Variants in STARD9 observed in about 807,000 individuals in gnomAD.
STARD9 encodes stAR-related lipid transfer protein 9.
STARD9 carries 346 observed loss-of-function variants against 399.8 expected under a neutral mutation model. The ratio of observed to expected loss-of-function variants is 0.87; its 90% CI spans 0.79 to 0.95. The LOEUF (loss-of-function observed/expected upper bound fraction) is 0.95. Ranked by LOEUF, STARD9 falls within the 40% of genes least tolerant of loss-of-function variation. The pLI, the probability that STARD9 is intolerant of heterozygous loss-of-function variation, is 0.00. For missense variants in STARD9, 5,832 were observed against 5,667.5 expected (o/e 1.03, Z -0.93); for synonymous variants, 2,203 against 2,143.5 (o/e 1.03, Z -0.77).
intron 3 of STARD9, among the ~76,000 whole-genome samples, 188 bp downstream of exon 3, chr15:42,585,825 A>G (rs1191286050): frequency 6.6e-6 from 1 of 152,248 alleles, no homozygotes; most frequent in Non-Finnish European, 1.5e-5. Flanking sequence ...ACTTCAATAC[A>G]TCAAGAAACC....
At chr15:42,607,470 T>G (rs1445972092) in intron 3 of STARD9, among the ~76,000 whole-genome samples, 1 of 151,944 alleles carries the variant, frequency 6.6e-6, no homozygotes, top group Non-Finnish European at 1.5e-5. Flanking sequence ...CCCAAAGTGC[T>G]GGGATGACAG....
intron 7 of STARD9, among the ~76,000 whole-genome samples, chr15:42,649,410 C>A (rs2059712640): frequency 6.6e-6 from 1 of 152,158 alleles, no homozygotes; most frequent in African/African-American, 2.4e-5. Context: ...CTCATTCTTT[C>A]TTCAGCTATG....
In STARD9 at chr15:42,642,919, C is replaced by T. The variant is rs2059569664; in HGVS notation, c.559+4107C>T. On this transcript the variant is annotated intron_variant, in intron 7 of 32. Transcript: ENST00000290607. ...ACTCAGGCAGTCCTCCTACCTCAGCCTCCCAAGTAGCTGATACTACAGACA... is the reference window on the plus strand; with the variant it reads ...ACTCAGGCAGTCCTCCTACCTCAGCTTCCCAAGTAGCTGATACTACAGACA... 1.3e-5 allele frequency among the ~76,000 whole-genome samples: 2 copies of T among 152,108 alleles called. 1 individual carries two copies. Among genetic ancestry groups the T allele is most frequent in the South Asian group, 4.1e-4 (2 of 4,828 alleles).
chr15:42,691,893 G>C lies in STARD9; in HGVS notation c.10315G>C (p.Glu3439Gln). 1 of 1,537,284 alleles carries C rather than the reference G, an allele frequency of 6.5e-7. No homozygotes were observed. Among genetic ancestry groups the C allele is most frequent in the South Asian group, 1.2e-5 (1 of 84,062 alleles). The change falls in exon 23 of 33, where the codon GAG becomes CAG. Residue 3439 changes from glutamate (E) to glutamine (Q), a missense_variant. Glu to Gln is a conservative substitution (Grantham distance 29). Transcript: ENST00000290607. ...GGAACAAGCCCAACAGGGAAAGCGAGAGAAACTGGGTGTCCAGGTTAGGCC... is the reference window on the plus strand; with the variant it reads ...GGAACAAGCCCAACAGGGAAAGCGACAGAAACTGGGTGTCCAGGTTAGGCC... ...TLEQAQQGKR[E>Q]KLGVQVRPEN...
chr15:42,650,092 C>G (rs879103172), intron 7 of STARD9, among the ~76,000 whole-genome samples: 2 of 151,782 alleles, frequency 1.3e-5, no homozygotes, highest in African/African-American at 2.4e-5. Context: ...TCTCAAACTC[C>G]TGACCTCAGG....
At chr15:42,616,890 CAAAA>C (rs565991513) in intron 3 of STARD9, among the ~76,000 whole-genome samples, 2 of 57,184 alleles carry the variant, frequency 3.5e-5, no homozygotes, top group African/African-American at 5.0e-5. Context: ...GACTTCCTCT[CAAAA>C]AAAAAAAAAA....
In STARD9 at chr15:42,687,549, T is replaced by G. The variant is rs1485333298; in HGVS notation, c.5971T>G (p.Ser1991Ala). 6.5e-7 allele frequency: 1 copy of G among 1,536,902 alleles called. No homozygotes were observed. The highest frequency in any genetic ancestry group is 1.4e-5 in the African/African-American group (1 of 73,114). The change falls in exon 23 of 33, where the codon TCA becomes GCA. Residue 1991 changes from serine to alanine, a missense_variant. Around this residue, in one of 2 missense-constraint regions of STARD9, gnomAD observed 5,828 missense variants for 5,651.1 expected, o/e 1.03. Transcript: ENST00000290607. Reference protein sequence around the residue: ...LEKGLRPKDSSEEFKLPGTKP... With the variant: ...LEKGLRPKDSAEEFKLPGTKP... ...AAAAGGTCTTCGTCCCAAAGATAGC[T>G]CAGAAGAGTTTAAGCTTCCAGGTAC...
In STARD9 at chr15:42,685,761, A is replaced by G; in HGVS notation, c.4183A>G (p.Ser1395Gly). Residue 1395 changes from serine (S) to glycine (G), a missense_variant, in exon 23 of 33, where the codon AGC becomes GGC. Physicochemically the swap from Ser to Gly is moderately conservative, Grantham distance 56. This residue lies in a region of STARD9 where 5,828 missense variants were observed against 5,651.1 expected (regional missense o/e 1.03). Transcript: ENST00000290607. ...PSDAETVLPYSSKLHQGSTEL... is the reference protein window; with the variant it reads ...PSDAETVLPYGSKLHQGSTEL... The stretch of plus-strand genomic sequence containing the variant: ...AGATGCAGAAACGGTTCTGCCATAT[A>G]GCTCCAAACTGCACCAAGGCAGTAC... 1 of 1,537,428 alleles carries G rather than the reference A, an allele frequency of 6.5e-7. No homozygotes were observed. Among genetic ancestry groups the G allele is most frequent in the Non-Finnish European group, 8.7e-7 (1 of 1,146,952 alleles).
rs1403402630 is a variant in STARD9, at chr15:42,690,598, T to C, written c.9020T>C (p.Met3007Thr). ...PCVVPSRAYE[M>T]DETGEISRGP... ...GTAGTACCTTCCAGGGCCTATGAAA[T>C]GGATGAGACAGGAGAGATCTCTAGG... The change falls in exon 23 of 33, where the codon ATG becomes ACG. Residue 3007 changes from methionine to threonine, a missense_variant. By Grantham distance (81) the Met-to-Thr change is moderately conservative (BLOSUM62 -1). This residue lies in a region of STARD9 where 5,828 missense variants were observed against 5,651.1 expected (regional missense o/e 1.03). Transcript: ENST00000290607. The C allele has an allele frequency of 1.3e-6, 2 of 1,537,208 alleles. No individual in the cohort carries two copies. Among genetic ancestry groups the C allele is most frequent in the Admixed American group, 2.0e-5 (1 of 51,000 alleles).
In STARD9 at chr15:42,694,115, A is replaced by G; in HGVS notation, c.12537A>G (p.Pro4179=). ...LSSEKQEQSP[P]QPPNDHSQDS... is the part of the protein sequence containing the mutation. ...CTGAAAAGCAGGAACAGAGTCCCCC[A>G]CAACCTCCTAATGACCACAGCCAGG... Residue 4179 remains proline, a synonymous_variant, in exon 23 of 33, where the codon CCA becomes CCG. Transcript: ENST00000290607. 6.5e-7 allele frequency: 1 copy of G among 1,537,020 alleles called. No homozygotes were observed. The highest frequency in any genetic ancestry group is 2.0e-5 in the Admixed American group (1 of 50,946).
intron 4 of STARD9, 98 bp downstream of exon 4, chr15:42,635,070 T>G (rs980535707): frequency 4.8e-5 from 29 of 605,098 alleles, no homozygotes; most frequent in Non-Finnish European, 6.9e-5. Flanking sequence ...CTGTAGGCAG[T>G]CAACTTTAAA....
At chr15:42,678,776 C>A (rs2060363619) in intron 20 of STARD9, among the ~76,000 whole-genome samples, 1 of 152,162 alleles carries the variant, frequency 6.6e-6, no homozygotes, top group Non-Finnish European at 1.5e-5. Context: ...GACAGAGGTC[C>A]CTTGGCTGGC....
chr15:42,631,994 G>T (rs2059341138), intron 3 of STARD9, among the ~76,000 whole-genome samples: 1 of 152,108 alleles, frequency 6.6e-6, no homozygotes, highest in Admixed American at 6.6e-5. Context: ...ACATTTCTTT[G>T]TTGATTTTCT....
intron 7 of STARD9, among the ~76,000 whole-genome samples, chr15:42,647,204 A>G (rs963720428): frequency 1.3e-5 from 2 of 152,188 alleles, no homozygotes; most frequent in Admixed American, 6.6e-5. Flanking sequence ...CTTGAAGAGA[A>G]TATGTATTAT....
At position 42,663,931 on chromosome 15, in the gene STARD9, A is replaced by G. The variant is rs751662436; in HGVS notation, c.1176+14A>G. On this transcript the variant is annotated intron_variant, in intron 13 of 32. Coordinates refer to ENST00000290607, the MANE Select transcript of STARD9 (RefSeq NM_020759.3). ...CGAGTAAATGAGGTGAGACCTTTTC[A>G]GAAGTCCTGGTCTGGTATAGTTTAC... 2.7e-6 allele frequency: 4 copies of G among 1,487,048 alleles called. No homozygotes were observed. The African/African-American group carries it at 4.2e-5, about 15-fold the overall frequency. 92.1% of individuals were successfully genotyped at this position (1,487,048 alleles called of 1,614,324 possible). A position where few individuals can be genotyped will look rare whatever the true frequency, so the allele number is the denominator to read the frequency against.
chr15:42,592,516 C>T (rs1027831392), intron 3 of STARD9, among the ~76,000 whole-genome samples: 3 of 152,104 alleles, frequency 2.0e-5, no homozygotes, highest in African/African-American at 7.2e-5. Flanking sequence ...GCGATCTTAG[C>T]TCACTGCAAT....
intron 24 of STARD9, 62 bp downstream of exon 24, chr15:42,694,787 C>A: frequency 7.1e-7 from 1 of 1,410,832 alleles, no homozygotes; most frequent in Admixed American, 2.1e-5. Flanking sequence ...GTATGGGGAG[C>A]AGGAGCTGAA....
In STARD9 at chr15:42,686,612, T is replaced by C. The variant is rs753233261; in HGVS notation, c.5034T>C (p.Asn1678=). Residue 1678 remains asparagine (N), a synonymous_variant, in exon 23 of 33, where the codon AAT becomes AAC. Transcript: ENST00000290607. ...WSQGWAPLRK[N]SAVQPGQLSP... ...AAGGCTGGGCTCCTCTCAGGAAAAA[T>C]AGTGCAGTCCAGCCAGGGCAATTAA... 3.3e-6 allele frequency: 5 copies of C among 1,537,146 alleles called. No individual in the cohort carries two copies. Among genetic ancestry groups the C allele is most frequent in the South Asian group, 1.2e-5 (1 of 84,046 alleles).
intron 15 of STARD9, among the ~76,000 whole-genome samples, chr15:42,668,695 C>T (rs773615579): frequency 3.9e-5 from 6 of 151,966 alleles, no homozygotes; most frequent in African/African-American, 9.7e-5. Flanking sequence ...TTCTGTGAGC[C>T]GTGTGCAAGC....
Sources: allele counts gnomAD v4.1 joint callset (sites outside exome capture counted in the v4.1 genomes callset), GRCh38; gene constraint gnomAD v4.1.1; regional missense constraint gnomAD v4.1.1; transcripts MANE v1.5; gene names NCBI Gene and HGNC (gene_info 2026-07-23, HGNC 2026-07-21).